The following MFSD1 variants were observed in gnomAD, a reference collection of about 807,000 sequenced individuals.
The protein encoded by MFSD1 is lysosomal dipeptide transporter MFSD1.
MFSD1 carries 59 observed loss-of-function variants against 67.1 expected under a neutral mutation model. The observed-to-expected ratio is 0.88, with a 90% CI of 0.71 to 1.09. MFSD1 has a LOEUF of 1.09. Among genes scored for constraint, MFSD1 ranks in the 50% least tolerant of loss-of-function variants. The pLI is 0.00. For missense variants in MFSD1, 552 were observed against 566.1 expected (o/e 0.97, Z 0.25); for synonymous variants, 213 against 200.3 (o/e 1.06, Z -0.54).
At chr3:158,823,399 T>C in intron 11 of MFSD1, 29 bp from the exon 12 acceptor site, 4 of 1,454,282 alleles carry the variant, frequency 2.8e-6, no homozygotes, top group South Asian at 1.1e-5. Context: ...AATGTAAGAC[T>C]GTGACCTTTT....
chr3:158,824,165 T>G lies in MFSD1; in HGVS notation c.1217T>G (p.Ile406Ser). ...IQNLGLAIIS[I>S]IAGMILDSRG... ...AATCTTGGGTTGGCCATCATTTCCATCATTGCTGGTATGATACTGGATTCT... is the reference window on the plus strand; with the variant it reads ...AATCTTGGGTTGGCCATCATTTCCAGCATTGCTGGTATGATACTGGATTCT... Residue 406 changes from isoleucine (I) to serine (S), a missense_variant, in exon 13 of 16, where the codon ATC (isoleucine) becomes AGC (serine). Transcript: ENST00000415822. 10 of 1,613,644 alleles carry G rather than the reference T, an allele frequency of 6.2e-6. No homozygotes were observed. Among genetic ancestry groups the G allele is most frequent in the Non-Finnish European group, 7.6e-6 (9 of 1,179,796 alleles).
intron 3 of MFSD1, among the ~76,000 whole-genome samples, chr3:158,806,454 A>C (rs1400457156): frequency 2.0e-5 from 3 of 152,210 alleles, no homozygotes; most frequent in African/African-American, 7.2e-5. Context: ...ATTTAAGTTT[A>C]AGAAGTATGG....
chr3:158,825,879 G>A (rs1730940252), intron 13 of MFSD1, 136 bp from the exon 14 acceptor site: 1 of 684,666 alleles, frequency 1.5e-6, no homozygotes, highest in Admixed American at 2.3e-5. Context: ...ATAAAATAAT[G>A]GGAATAATAT....
intron 3 of MFSD1, among the ~76,000 whole-genome samples, chr3:158,806,249 G>T (rs1377428171): frequency 3.3e-5 from 5 of 152,024 alleles, no homozygotes; most frequent in African/African-American, 9.7e-5. Context: ...TATTTTTTTT[G>T]ATCTCAAGAG....
chr3:158,827,976 G>GAGAGAGAGAGAGAGAGAGACAGAC (rs1553759912), intron 15 of MFSD1, among the ~76,000 whole-genome samples: 2 of 78,874 alleles, frequency 2.5e-5, no homozygotes, highest in African/African-American at 4.9e-5. Context: ...GAGAGAGAGA[G>GAGAGAGAGAGAGAGAGAGACAGAC]AGACAGAGAT....
chr3:158,818,396 A>G (rs992023059), intron 7 of MFSD1, among the ~76,000 whole-genome samples: 2 of 152,132 alleles, frequency 1.3e-5, no homozygotes, highest in East Asian at 3.9e-4. Flanking sequence ...TTTTTAATGT[A>G]TAATCCCTTA....
intron 1 of MFSD1, among the ~76,000 whole-genome samples, chr3:158,803,361 C>A (rs1003651289): frequency 6.6e-6 from 1 of 151,968 alleles, no homozygotes; most frequent in African/African-American, 2.4e-5. Context: ...CTTTTTCCCC[C>A]CTCCCCTGTT....
Position 158,820,196 on chromosome 3 carries a change from C to A in MFSD1, c.752-19C>A. 1 of 1,394,942 alleles carries A rather than the reference C, an allele frequency of 7.2e-7. No individual in the cohort carries two copies. The highest frequency in any genetic ancestry group is 1.2e-5 in the South Asian group (1 of 85,830). The allele number at this position is 1,394,942 out of a possible 1,614,324, so 86.4% of individuals were successfully genotyped here. A position where few individuals can be genotyped will look rare whatever the true frequency, so the allele number is the denominator to read the frequency against. On this transcript the variant is annotated intron_variant, in intron 8 of 15. Transcript: ENST00000415822. ...GTATGCAAAATTATGCTGATAGTGT[C>A]TTCCCTTTCTTCTCTAAGGTGAAGT...
chr3:158,803,189 A>T (rs1729546142), intron 1 of MFSD1, among the ~76,000 whole-genome samples: 1 of 152,212 alleles, frequency 6.6e-6, no homozygotes, highest in Admixed American at 6.5e-5. Context: ...TAATTTATTA[A>T]GCAAAATTCT....
At position 158,805,350 on chromosome 3, in the gene MFSD1, C is replaced by A. The variant is rs539116018; in HGVS notation, c.217-12C>A. ...GTTTGGAAAAAAATAGTTTTATTTT[C>A]TTTTCATATAGGATATGCAAGTGAA... On this transcript the variant is annotated splice_polypyrimidine_tract_variant and intron_variant, in intron 2 of 15. Transcript: ENST00000415822. 39 of 1,589,244 alleles carry A rather than the reference C, an allele frequency of 2.5e-5. No individual in the cohort carries two copies. The South Asian group carries it at 3.9e-4, about 16-fold the overall frequency.
At chr3:158,813,764 C>CTTT (rs3050667) in intron 6 of MFSD1, among the ~76,000 whole-genome samples, 2 of 132,220 alleles carry the variant, frequency 1.5e-5, no homozygotes, top group Non-Finnish European at 3.2e-5. Flanking sequence ...AATAAATTGG[C>CTTT]TTTTTTTTTT....
chr3:158,819,785 C>T (rs1270854071), intron 8 of MFSD1, 38 bp downstream of exon 8: 9 of 1,230,566 alleles, frequency 7.3e-6, no homozygotes, highest in Middle Eastern at 1.9e-4. Context: ...AGGGGAATTA[C>T]GGCCTTTGTG....
intron 1 of MFSD1, among the ~76,000 whole-genome samples, chr3:158,803,411 A>G (rs1379159489): frequency 6.6e-6 from 1 of 152,062 alleles, no homozygotes; most frequent in Non-Finnish European, 1.5e-5. Flanking sequence ...TTAAAGCAGG[A>G]CGTTGAATCC....
chr3:158,825,333 A>T (rs1238431738), intron 13 of MFSD1: 3 of 151,998 alleles, frequency 2.0e-5, no homozygotes, highest in Admixed American at 2.0e-4. Flanking sequence ...TGGTTTTTAA[A>T]TTTTTTTGTG....
In MFSD1 at chr3:158,802,066, G is replaced by A. The variant is rs117119898; in HGVS notation, c.-87G>A. 1.4e-3 allele frequency: 2,127 copies of A among 1,555,848 alleles called. 55 individuals carry two copies. In the East Asian group the frequency reaches 0.037, roughly 27 times the overall value. The stretch of plus-strand genomic sequence containing the variant: ...CGTGAGCTCCCGGAGTCATGTGACC[G>A]CCGTCTTGACAGTGTTCCACGGGCG... On this transcript the variant is annotated 5_prime_UTR_variant, in exon 1 of 16. Coordinates refer to ENST00000415822, the MANE Select transcript of MFSD1 (RefSeq NM_022736.4).
Position 158,805,414 on chromosome 3 carries a change from G to C in MFSD1, c.269G>C (p.Trp90Ser). 1.9e-6 allele frequency: 3 copies of C among 1,614,016 alleles called. No individual in the cohort carries two copies. The highest frequency in any genetic ancestry group is 2.5e-6 in the Non-Finnish European group (3 of 1,179,958). The change falls in exon 3 of 16, where the codon TGG becomes TCG. Residue 90 changes from tryptophan to serine, a missense_variant. Coordinates refer to ENST00000415822, the MANE Select transcript of MFSD1 (RefSeq NM_022736.4). Reference protein sequence around the residue: ...KFMLLYAWYSWPNVVLCFFGG... With the variant: ...KFMLLYAWYSSPNVVLCFFGG... The stretch of plus-strand genomic sequence containing the variant: ...ATGCTGCTGTATGCCTGGTATTCTT[G>C]GCCCAATGTAGTTTTGTGTTTCTTT...
chr3:158,803,365 C>G (rs142837343), intron 1 of MFSD1, among the ~76,000 whole-genome samples: 13 of 152,108 alleles, frequency 8.5e-5, no homozygotes, highest in African/African-American at 3.1e-4. Context: ...TTCCCCCCTC[C>G]CCTGTTTTTT....
At chr3:158,819,803 A>G (rs1730581005) in intron 8 of MFSD1, 56 bp downstream of exon 8, 2 of 1,001,064 alleles carry the variant, frequency 2.0e-6, no homozygotes, top group East Asian at 2.4e-5. Flanking sequence ...GTGAGATTTT[A>G]TAATGAGATC....
rs78887294 is a variant in MFSD1 at position 158,804,647 on chromosome 3, G to A, written c.216+276G>A. ...ACAGTATTGTCAAAAATATGAGCAG[G>A]TTTTTGTTTGCATTTCACTCTCCCA... is the stretch of plus-strand genomic sequence containing the variant. On this transcript the variant is annotated intron_variant, in intron 2 of 15. Coordinates refer to ENST00000415822, the MANE Select transcript of MFSD1 (RefSeq NM_022736.4). Among the ~76,000 whole-genome samples, 744 of 152,264 alleles carry A rather than the reference G, an allele frequency of 4.9e-3. 2 individuals carry two copies. The highest frequency in any genetic ancestry group is 8.8e-3 in the Non-Finnish European group (597 of 68,018).
Sources: allele counts gnomAD v4.1 joint callset (sites outside exome capture counted in the v4.1 genomes callset), GRCh38; gene constraint gnomAD v4.1.1; transcripts MANE v1.5; gene names NCBI Gene and HGNC (gene_info 2026-07-23, HGNC 2026-07-21).